SETD3: variants seen among roughly 807,000 people sequenced by gnomAD.
SETD3 encodes the protein SET domain containing 3, actin N3(tau)-histidine methyltransferase.
Under a neutral mutation model 63.0 loss-of-function variants are expected in SETD3, and 19 were observed. The ratio of observed to expected loss-of-function variants is 0.30; its 90% CI spans 0.21 to 0.44. The LOEUF (loss-of-function observed/expected upper bound fraction) is 0.44, where lower values mean the gene tolerates loss of function less well. SETD3 is among the 20% of genes least tolerant of loss of function. The pLI, the probability that SETD3 is intolerant of heterozygous loss-of-function variation, is 1.00. For synonymous variants in SETD3, 286 were observed against 264.1 expected (o/e 1.08, Z -0.80); for missense variants, 587 against 728.5 (o/e 0.81, Z 2.24).
chr14:99,411,809 CTAAT>C (rs2139638977), intron 8 of SETD3: 1 of 152,232 alleles, frequency 6.6e-6, no homozygotes, highest in East Asian at 1.9e-4. Context: ...GTATTCATTA[CTAAT>C]TAAATTAACC....
chr14:99,483,245 T>C (rs1405947174), upstream of SETD3, among the ~76,000 whole-genome samples: 1 of 152,028 alleles, frequency 6.6e-6, no homozygotes, highest in Non-Finnish European at 1.5e-5. Context: ...CAGCAGAGCT[T>C]CAGTGAGAAA....
intron 6 of SETD3, among the ~76,000 whole-genome samples, chr14:99,415,937 C>CAA (rs1280936157): frequency 6.6e-6 from 1 of 152,124 alleles, no homozygotes; most frequent in Non-Finnish European, 1.5e-5. Context: ...TTTCCCAGGG[C>CAA]AAGGCCTTTA....
At chr14:99,413,979 G>T in intron 6 of SETD3, 45 bp from the exon 7 acceptor site, 2 of 1,540,426 alleles carry the variant, frequency 1.3e-6, no homozygotes, top group Non-Finnish European at 1.8e-6. Flanking sequence ...AAGAGAAAAA[G>T]GGAAAACAGA....
intron 6 of SETD3, among the ~76,000 whole-genome samples, chr14:99,415,757 TA>T (rs998402915): frequency 2.5e-4 from 38 of 151,974 alleles, no homozygotes; most frequent in South Asian, 6.2e-4. Flanking sequence ...TAAATCTGGT[TA>T]AAAAAAAGAT....
chr14:99,405,420 T>C, intron 9 of SETD3, 49 bp from the exon 10 acceptor site: 1 of 1,585,918 alleles, frequency 6.3e-7, no homozygotes, highest in South Asian at 1.2e-5. Flanking sequence ...AAACTTGGCA[T>C]GTATTCTTAA....
At chr14:99,471,153 A>C (rs1895682126) in intron 1 of SETD3, among the ~76,000 whole-genome samples, 1 of 152,202 alleles carries the variant, frequency 6.6e-6, no homozygotes, top group Non-Finnish European at 1.5e-5. Context: ...CAGAAAAAAA[A>C]CCAAAGCTTC....
intron 10 of SETD3, 113 bp downstream of exon 10, chr14:99,405,092 G>C (rs1466927550): frequency 1.4e-6 from 2 of 1,405,542 alleles, no homozygotes; most frequent in Non-Finnish European, 1.9e-6. Flanking sequence ...GGGGATAAAC[G>C]GATTAAGACA....
At chr14:99,468,474 T>A (rs1273341161) in intron 1 of SETD3, among the ~76,000 whole-genome samples, 2 of 152,186 alleles carry the variant, frequency 1.3e-5, no homozygotes, top group Non-Finnish European at 2.9e-5. Flanking sequence ...TAAAGAATAA[T>A]GTGTAACATG....
In SETD3 at chr14:99,461,296, C is replaced by G. The variant is rs1895049392; in HGVS notation, c.241G>C (p.Asp81His). Residue 81 changes from aspartate to histidine, a missense_variant, in exon 4 of 13, where the codon GAT (aspartate) becomes CAT (histidine). Coordinates refer to ENST00000331768, the MANE Select transcript of SETD3 (RefSeq NM_032233.3). ...FDGKREDYFP[D>H]LMKWASENGA... ...TTTTCAGAGGCCCATTTCATTAGAT[C>G]AGGAAAGTAATCTTCTCTTTTTCCA... 6.2e-7 allele frequency: 1 copy of G among 1,614,080 alleles called. No homozygotes were observed. The highest frequency in any genetic ancestry group is 1.7e-5 in the Admixed American group (1 of 60,002).
intron 1 of SETD3, among the ~76,000 whole-genome samples, chr14:99,471,348 C>T (rs1239212125): frequency 6.6e-6 from 1 of 152,176 alleles, no homozygotes; most frequent in Non-Finnish European, 1.5e-5. Context: ...TTTAATTCTA[C>T]TAATGAACTA....
chr14:99,467,774 C>A (rs957989201), intron 1 of SETD3, among the ~76,000 whole-genome samples: 3 of 152,180 alleles, frequency 2.0e-5, no homozygotes, highest in African/African-American at 4.8e-5. Context: ...GTAAGTGAGC[C>A]TGGGACAGGG....
At chr14:99,444,582 A>G (rs1320949845) in intron 6 of SETD3, among the ~76,000 whole-genome samples, 1 of 152,150 alleles carries the variant, frequency 6.6e-6, no homozygotes, top group East Asian at 1.9e-4. Context: ...AACATCACCA[A>G]TGGGCCAGGT....
Position 99,405,282 on chromosome 14 carries a change from T to C in SETD3, c.1014A>G (p.Lys338=), listed in dbSNP as rs1891619506. The C allele has an allele frequency of 2.5e-6, 4 of 1,614,096 alleles. No individual in the cohort carries two copies. The highest frequency in any genetic ancestry group is 1.6e-4 in the Middle Eastern group (1 of 6,084). Residue 338 remains lysine (K), a synonymous_variant, in exon 10 of 13, where the codon AAA becomes AAG. Transcript: ENST00000331768. ...CACTTTTACTCACTCCAAGCTTTAT[T>C]TTCACTCTGTCGTGTGAGTTATTGT... ...FFDNNSHDRV[K]IKLGVSKSDR...
chr14:99,436,977 C>T (rs1566708193), intron 6 of SETD3, among the ~76,000 whole-genome samples: 1 of 152,210 alleles, frequency 6.6e-6, no homozygotes, highest in African/African-American at 2.4e-5. Context: ...GAATGACCAG[C>T]TCCCATGGTT....
At chr14:99,455,202 C>A (rs764857481) in intron 6 of SETD3, among the ~76,000 whole-genome samples, 26 of 152,216 alleles carry the variant, frequency 1.7e-4, no homozygotes, top group Non-Finnish European at 3.7e-4. Context: ...TCAGGAATAC[C>A]CGGCCCAGGG....
intron 6 of SETD3, among the ~76,000 whole-genome samples, chr14:99,449,917 A>G (rs1219145594): frequency 6.6e-6 from 1 of 152,242 alleles, no homozygotes; most frequent in Non-Finnish European, 1.5e-5. Flanking sequence ...AACAAATTTC[A>G]CATCCCCAGA....
chr14:99,439,778 G>T (rs1285045552), intron 6 of SETD3, among the ~76,000 whole-genome samples: 3 of 149,204 alleles, frequency 2.0e-5, no homozygotes, highest in Non-Finnish European at 4.4e-5. Context: ...ACACATAAAT[G>T]TATGTATTTA....
At chr14:99,433,323 T>C (rs1893285376) in intron 6 of SETD3, among the ~76,000 whole-genome samples, 1 of 152,196 alleles carries the variant, frequency 6.6e-6, no homozygotes, top group Admixed American at 6.5e-5. Flanking sequence ...ATCCCCAAAA[T>C]ACACACTGGA....
intron 6 of SETD3, among the ~76,000 whole-genome samples, chr14:99,457,462 A>G (rs1894825079): frequency 6.6e-6 from 1 of 152,256 alleles, no homozygotes; most frequent in Non-Finnish European, 1.5e-5. Flanking sequence ...CAAATAAAAC[A>G]TAGCAAGGAT....
Sources: gnomAD v4.1 joint callset for allele counts (sites outside exome capture counted in the v4.1 genomes callset) on GRCh38, gnomAD v4.1.1 for gene constraint, MANE v1.5 for transcripts, NCBI Gene and HGNC (gene_info 2026-07-23, HGNC 2026-07-21) for gene names.